The following PRKCE variants were observed in gnomAD, a reference collection of about 807,000 sequenced individuals.
PRKCE encodes the protein protein kinase C epsilon type.
PRKCE carries 16 observed loss-of-function variants against 85.4 expected under a neutral mutation model. That is an observed-to-expected ratio of 0.19 (90% CI 0.13 to 0.28). PRKCE has a LOEUF of 0.28. PRKCE is among the 10% of genes least tolerant of loss of function. The probability of loss-of-function intolerance (pLI) is 1.00; values close to 1 mark genes in which losing one functional copy is unlikely to be tolerated. For synonymous variants in PRKCE, 388 were observed against 371.5 expected (o/e 1.04, Z -0.51); for missense variants, 573 against 975.2 (o/e 0.59, Z 5.49).
At chr2:45,688,933 A>G (rs140150249) in intron 1 of PRKCE, among the ~76,000 whole-genome samples, 7 of 152,362 alleles carry the variant, frequency 4.6e-5, no homozygotes, top group Admixed American at 6.5e-5. Context: ...CATCCACAAC[A>G]TAAGAGACTT....
chr2:45,900,867 A>G (rs963150854), intron 2 of PRKCE, among the ~76,000 whole-genome samples: 1 of 152,278 alleles, frequency 6.6e-6, no homozygotes, highest in African/African-American at 2.4e-5. Context: ...TGAACCAGAC[A>G]GAAGGCCTGA....
chr2:45,723,627 C>A (rs1166404612), intron 1 of PRKCE, among the ~76,000 whole-genome samples: 1 of 148,164 alleles, frequency 6.7e-6, no homozygotes, highest in Non-Finnish European at 1.5e-5. Context: ...TTTTTTGAGA[C>A]GGAGTTTCAC....
At chr2:45,986,906 GGAA>G (rs1228726895) in intron 6 of PRKCE, among the ~76,000 whole-genome samples, 2 of 152,146 alleles carry the variant, frequency 1.3e-5, no homozygotes, top group Non-Finnish European at 2.9e-5. Flanking sequence ...GAGCAGAAGA[GGAA>G]GAAGGGAGGG....
intron 14 of PRKCE, among the ~76,000 whole-genome samples, chr2:46,176,201 A>T (rs1679410470): frequency 6.6e-6 from 1 of 152,200 alleles, no homozygotes; most frequent in South Asian, 2.1e-4. Flanking sequence ...GAAACCCAAG[A>T]GAGGCAAATT....
chr2:46,006,562 G>A (rs562067920), intron 8 of PRKCE, among the ~76,000 whole-genome samples: 1 of 152,298 alleles, frequency 6.6e-6, no homozygotes, highest in South Asian at 2.1e-4. Flanking sequence ...GGGTTAATAG[G>A]CTATGTTCCC....
intron 1 of PRKCE, among the ~76,000 whole-genome samples, chr2:45,731,221 G>A (rs552278828): frequency 6.6e-6 from 1 of 152,242 alleles, no homozygotes; most frequent in East Asian, 1.9e-4. Context: ...AGCAAGGGGT[G>A]TCTTAATGGA....
rs1426779992 is a variant in PRKCE at position 46,010,480 on chromosome 2, C to T, written c.1400C>T (p.Pro467Leu). 4.4e-6 allele frequency: 7 copies of T among 1,599,670 alleles called. No individual in the cohort carries two copies. The highest frequency in any genetic ancestry group is 1.7e-4 in the Middle Eastern group (1 of 6,060). Residue 467 changes from proline to leucine, a missense_variant, in exon 10 of 15, where the codon CCG (proline) becomes CTG (leucine). Coordinates refer to ENST00000306156, the MANE Select transcript of PRKCE (RefSeq NM_005400.3). The part of the protein sequence containing the change: ...KRILALARKH[P>L]YLTQLYCCFQ... Reference sequence around the variant, plus strand: ...ATTTTGGCTCTGGCACGGAAACACCCGTACCTTACCCAACTCTACTGCTGC... The same window carrying T: ...ATTTTGGCTCTGGCACGGAAACACCTGTACCTTACCCAACTCTACTGCTGC...
chr2:46,045,883 A>G (rs909520455), intron 10 of PRKCE, among the ~76,000 whole-genome samples: 1 of 152,190 alleles, frequency 6.6e-6, no homozygotes, highest in Admixed American at 6.5e-5. Flanking sequence ...TCAAATAAAA[A>G]AAAAAGAAGA....
chr2:45,749,876 A>T (rs1255196629), intron 1 of PRKCE, among the ~76,000 whole-genome samples: 1 of 152,230 alleles, frequency 6.6e-6, no homozygotes, highest in Non-Finnish European at 1.5e-5. Flanking sequence ...TATAAATGCC[A>T]CTTATCCTGG....
chr2:45,713,192 A>G (rs1198567814), intron 1 of PRKCE, among the ~76,000 whole-genome samples: 1 of 152,142 alleles, frequency 6.6e-6, no homozygotes, highest in Admixed American at 6.5e-5. Flanking sequence ...CTTATTTAAG[A>G]ATGTGTTTGG....
chr2:46,071,515 G>C (rs1375316069), intron 10 of PRKCE, among the ~76,000 whole-genome samples: 1 of 152,200 alleles, frequency 6.6e-6, no homozygotes, highest in East Asian at 1.9e-4. Flanking sequence ...ACGCAGCTGA[G>C]CTAGGATTTT....
intron 1 of PRKCE, among the ~76,000 whole-genome samples, chr2:45,772,472 C>A (rs1685418484): frequency 6.6e-6 from 1 of 152,168 alleles, no homozygotes; most frequent in Non-Finnish European, 1.5e-5. Context: ...CTGTATATCT[C>A]CTAGGAAATG....
intron 1 of PRKCE, among the ~76,000 whole-genome samples, chr2:45,685,051 C>T (rs1185566315): frequency 6.6e-6 from 1 of 152,072 alleles, no homozygotes. Context: ...GAAAATTGGC[C>T]AAAAGATCAG....
intron 2 of PRKCE, among the ~76,000 whole-genome samples, chr2:45,966,452 C>T (rs1701736264): frequency 1.3e-5 from 2 of 152,106 alleles, no homozygotes; most frequent in Admixed American, 6.5e-5. Flanking sequence ...TGGCAGGGGT[C>T]CCATAAATGC....
At chr2:46,129,533 G>C (rs1046004759) in intron 11 of PRKCE, among the ~76,000 whole-genome samples, 1 of 152,264 alleles carries the variant, frequency 6.6e-6, no homozygotes, top group Non-Finnish European at 1.5e-5. Context: ...TCACGTGGTA[G>C]TCACTCCATG....
At chr2:45,759,079 G>C (rs1411799278) in intron 1 of PRKCE, among the ~76,000 whole-genome samples, 1 of 152,156 alleles carries the variant, frequency 6.6e-6, no homozygotes, top group Non-Finnish European at 1.5e-5. Context: ...AGGTGATTTT[G>C]AAGATGACTT....
At chr2:45,789,936 T>C (rs1383080074) in intron 1 of PRKCE, among the ~76,000 whole-genome samples, 1 of 152,232 alleles carries the variant, frequency 6.6e-6, no homozygotes, top group African/African-American at 2.4e-5. Context: ...TGTTCATTCA[T>C]ATTGATAGGA....
intron 1 of PRKCE, among the ~76,000 whole-genome samples, chr2:45,780,000 G>A (rs1686057313): frequency 6.6e-6 from 1 of 152,122 alleles, no homozygotes; most frequent in South Asian, 2.1e-4. Context: ...TCCTGAACTG[G>A]ATTATTTTAA....
rs1452049121 is a variant in PRKCE at position 45,884,988 on chromosome 2, TATATA to T, written c.412+41926_412+41930del. Among the ~76,000 whole-genome samples the T allele has an allele frequency of 4.2e-4, 29 of 68,596 alleles. 1 individual carries two copies. Among genetic ancestry groups the T allele is most frequent in the Admixed American group, 1.1e-3 (6 of 5,256 alleles). 45.0% of individuals were successfully genotyped at this position (68,596 alleles called of 152,430 possible). On this transcript the variant is annotated intron_variant, in intron 2 of 14. Transcript: ENST00000306156. Reference sequence around the variant, plus strand: ...ATATATATATATATATATATATATATATATATATATATATTTGTTGTTGTTGTTGT... The same window carrying T: ...ATATATATATATATATATATATATATTATATATATTTGTTGTTGTTGTTGT...
Sources: allele counts gnomAD v4.1 joint callset (sites outside exome capture counted in the v4.1 genomes callset), GRCh38; gene constraint gnomAD v4.1.1; transcripts MANE v1.5; gene names NCBI Gene and HGNC (gene_info 2026-07-23, HGNC 2026-07-21).